Variants in CFDP1 observed in about 807,000 individuals in gnomAD.
CFDP1 encodes the protein chromatin remodeling protein CFDP1, also known as heterochromatin-stabilizing protein CFDP1.
CFDP1 carries 31 observed loss-of-function variants against 40.1 expected under a neutral mutation model. That is an observed-to-expected ratio of 0.77 (90% confidence interval 0.58 to 1.04). The LOEUF (loss-of-function observed/expected upper bound fraction) is 1.04. CFDP1 is among the 50% of genes least tolerant of loss of function. The pLI, the probability that CFDP1 is intolerant of heterozygous loss-of-function variation, is 0.00. For missense variants in CFDP1, 423 were observed against 343.4 expected (o/e 1.23, Z -1.83); for synonymous variants, 167 against 120.0 (o/e 1.39, Z -2.56).
rs917727367 is a variant in CFDP1, at chr16:75,399,828, G to A, written c.531-4619C>T. ...AAAAATTTTTTAAAATCGGCTGGGC[G>A]TGGTGGCTCACGCCTGTAACCCCAG... On this transcript the variant is annotated intron_variant, in intron 4 of 6. Coordinates refer to ENST00000283882, the MANE Select transcript of CFDP1 (RefSeq NM_006324.3). Among the ~76,000 whole-genome samples the A allele has an allele frequency of 7.9e-5, 12 of 152,114 alleles. No individual in the cohort carries two copies. In the South Asian group the frequency reaches 8.3e-4, roughly 11 times the overall value.
chr16:75,346,582 CAAAAAAAAAAAAAAAAA>C (rs748081401), intron 5 of CFDP1, among the ~76,000 whole-genome samples: 3 of 59,346 alleles, frequency 5.1e-5, no homozygotes, highest in South Asian at 6.9e-4. Context: ...GACTCTGTCT[CAAAAAAAAAAAAAAAAA>C]AAAAAAAAAA....
At chr16:75,335,554 A>ATTT (rs71380718) in intron 5 of CFDP1, among the ~76,000 whole-genome samples, 18 of 121,348 alleles carry the variant, frequency 1.5e-4, no homozygotes, top group African/African-American at 5.1e-4. Flanking sequence ...ACAAATCTCC[A>ATTT]TTTTTTTTTT....
intron 5 of CFDP1, among the ~76,000 whole-genome samples, chr16:75,333,219 G>A (rs2078460672): frequency 6.6e-6 from 1 of 151,450 alleles, no homozygotes; most frequent in Non-Finnish European, 1.5e-5. Context: ...TGCCTCCCAG[G>A]TTCACGCCAT....
chr16:75,296,475 G>A (rs1226550493), intron 6 of CFDP1, among the ~76,000 whole-genome samples: 3 of 106,862 alleles, frequency 2.8e-5, no homozygotes, highest in African/African-American at 5.5e-5. Flanking sequence ...GGGCTCAAGC[G>A]ATCCTCACCT....
intron 6 of CFDP1, among the ~76,000 whole-genome samples, 177 bp downstream of exon 6, chr16:75,304,847 A>T (rs1193216309): frequency 6.6e-6 from 1 of 152,192 alleles, no homozygotes; most frequent in African/African-American, 2.4e-5. Context: ...TGGCCTTCCC[A>T]GTGACAGGCC....
At chr16:75,373,043 A>G (rs1207653230) in intron 5 of CFDP1, among the ~76,000 whole-genome samples, 2 of 152,218 alleles carry the variant, frequency 1.3e-5, no homozygotes, top group Non-Finnish European at 1.5e-5. Flanking sequence ...GCAGGAACTG[A>G]AACAACTCTG....
At chr16:75,370,097 CTT>C (rs530812447) in intron 5 of CFDP1, among the ~76,000 whole-genome samples, 6 of 142,096 alleles carry the variant, frequency 4.2e-5, no homozygotes, top group African/African-American at 2.6e-5. Flanking sequence ...TTATTTATTA[CTT>C]TTTTTTTTTT....
intron 1 of CFDP1, among the ~76,000 whole-genome samples, chr16:75,415,463 G>T (rs866532655): frequency 7.9e-5 from 12 of 152,302 alleles, no homozygotes; most frequent in Middle Eastern, 6.8e-3. Flanking sequence ...CAGGGCCCCA[G>T]CTCGAGGAAC....
intron 6 of CFDP1, among the ~76,000 whole-genome samples, chr16:75,297,418 G>T (rs2078191765): frequency 6.6e-6 from 1 of 152,152 alleles, no homozygotes; most frequent in African/African-American, 2.4e-5. Flanking sequence ...CCTGAAAGAG[G>T]AAGGGCTCAT....
At chr16:75,323,167 C>G (rs1012649366) in intron 5 of CFDP1, among the ~76,000 whole-genome samples, 1 of 151,650 alleles carries the variant, frequency 6.6e-6, no homozygotes, top group Non-Finnish European at 1.5e-5. Flanking sequence ...TCTTTATACC[C>G]TGTTTCTGTA....
intron 5 of CFDP1, among the ~76,000 whole-genome samples, chr16:75,372,900 C>A (rs1312696041): frequency 6.6e-6 from 1 of 152,036 alleles, no homozygotes; most frequent in Non-Finnish European, 1.5e-5. Context: ...ATTTTAGTTC[C>A]AAAATTCTAA....
intron 5 of CFDP1, among the ~76,000 whole-genome samples, chr16:75,326,164 G>C (rs1197643851): frequency 6.6e-6 from 1 of 152,174 alleles, no homozygotes; most frequent in Non-Finnish European, 1.5e-5. Context: ...TAACAACCAA[G>C]TCAGGGGACC....
intron 5 of CFDP1, among the ~76,000 whole-genome samples, chr16:75,323,237 A>T (rs2078377965): frequency 6.6e-6 from 1 of 151,810 alleles, no homozygotes; most frequent in African/African-American, 2.4e-5. Flanking sequence ...TAAAAAAAAA[A>T]AAACTAAGAC....
chr16:75,317,218 G>A (rs1401642260), intron 5 of CFDP1, among the ~76,000 whole-genome samples: 2 of 152,280 alleles, frequency 1.3e-5, no homozygotes, highest in Middle Eastern at 3.4e-3. Context: ...CAGCAGCAAA[G>A]AAAACCTCTT....
intron 5 of CFDP1, among the ~76,000 whole-genome samples, chr16:75,330,221 A>T (rs1441721812): frequency 6.6e-6 from 1 of 152,206 alleles, no homozygotes; most frequent in African/African-American, 2.4e-5. Flanking sequence ...GATAAACTGA[A>T]ATGGGCAAGG....
At chr16:75,294,186 C>T (rs1318691448) in intron 6 of CFDP1, 144 bp from the exon 7 acceptor site, 5 of 605,756 alleles carry the variant, frequency 8.3e-6, no homozygotes, top group Admixed American at 3.0e-5. Context: ...CAATCCAAAC[C>T]ACTCACATTT....
chr16:75,376,521 C>T (rs576988572), intron 5 of CFDP1, among the ~76,000 whole-genome samples: 2 of 152,218 alleles, frequency 1.3e-5, no homozygotes, highest in South Asian at 2.1e-4. Flanking sequence ...ATTTCCATGA[C>T]GTTCTGGAAA....
intron 5 of CFDP1, chr16:75,394,846 A>T: frequency 3.5e-6 from 1 of 286,972 alleles, no homozygotes; most frequent in Non-Finnish European, 6.5e-6. Flanking sequence ...TTTTTTTAAG[A>T]GACAGGGTCT....
chr16:75,320,621 T>C (rs1300654014), intron 5 of CFDP1, among the ~76,000 whole-genome samples: 4 of 152,208 alleles, frequency 2.6e-5, no homozygotes, highest in Admixed American at 2.0e-4. Context: ...GAGTGTGTGA[T>C]TGACACCCTC....
Sources: allele counts gnomAD v4.1 joint callset (sites outside exome capture counted in the v4.1 genomes callset), GRCh38; gene constraint gnomAD v4.1.1; transcripts MANE v1.5; gene names NCBI Gene and HGNC (gene_info 2026-07-23, HGNC 2026-07-21).